ADK: variants seen among roughly 807,000 people sequenced by gnomAD.
ADK encodes N6,N6-dimethyladenosine kinase.
Under a neutral mutation model 44.7 loss-of-function variants are expected in ADK, and 24 were observed. The ratio of observed to expected loss-of-function variants is 0.54; its 90% confidence interval spans 0.39 to 0.76. The LOEUF (loss-of-function observed/expected upper bound fraction) is 0.76. Ranked by LOEUF, ADK falls within the 30% of genes least tolerant of loss-of-function variation. ADK has a pLI of 0.00. For missense variants in ADK, 321 were observed against 425.1 expected (o/e 0.76, Z 2.15); for synonymous variants, 128 against 142.6 (o/e 0.90, Z 0.73).
chr10:74,250,020 C>T (rs1310779905), intron 3 of ADK, among the ~76,000 whole-genome samples: 1 of 152,066 alleles, frequency 6.6e-6, no homozygotes, highest in Non-Finnish European at 1.5e-5. Flanking sequence ...ACAAGAGCTT[C>T]TGAAGACTTA....
At chr10:74,674,558 A>T (rs1296582284) in intron 10 of ADK, among the ~76,000 whole-genome samples, 1 of 152,044 alleles carries the variant, frequency 6.6e-6, no homozygotes, top group African/African-American at 2.4e-5. Flanking sequence ...GTATGGAAAA[A>T]TTAACAAAAT....
At chr10:74,174,734 G>A (rs886666176) in intron 1 of ADK, 1 of 152,174 alleles carries the variant, frequency 6.6e-6, no homozygotes, top group African/African-American at 2.4e-5. Context: ...GTGGACCTTC[G>A]GTCAAAGTCT....
chr10:74,608,654 G>C (rs1316436789), intron 9 of ADK, among the ~76,000 whole-genome samples: 2 of 152,122 alleles, frequency 1.3e-5, no homozygotes, highest in Non-Finnish European at 2.9e-5. Flanking sequence ...TCTCCTGTAT[G>C]AGGGGTCTGT....
At chr10:74,635,134 G>A (rs1217556438) in intron 9 of ADK, among the ~76,000 whole-genome samples, 1 of 152,144 alleles carries the variant, frequency 6.6e-6, no homozygotes, top group Non-Finnish European at 1.5e-5. Context: ...TACAGATTTG[G>A]GAAGCCCTGT....
At chr10:74,194,622 T>C (rs1843058184) in intron 1 of ADK, among the ~76,000 whole-genome samples, 1 of 152,216 alleles carries the variant, frequency 6.6e-6, no homozygotes, top group Non-Finnish European at 1.5e-5. Flanking sequence ...CAGGATTTAT[T>C]GTGGCTAAAA....
chr10:74,394,059 C>G, intron 4 of ADK, 82 bp from the exon 5 acceptor site: 3 of 1,357,722 alleles, frequency 2.2e-6, no homozygotes, highest in Non-Finnish European at 3.2e-6. Flanking sequence ...GCATTCTTGT[C>G]ACATCACTAT....
chr10:74,447,336 A>G (rs528139867), intron 6 of ADK, among the ~76,000 whole-genome samples: 1 of 152,220 alleles, frequency 6.6e-6, no homozygotes, highest in South Asian at 2.1e-4. Context: ...TGAGTGGTAA[A>G]TAAGGGTTGT....
chr10:74,340,638 G>C (rs961755488), intron 4 of ADK, among the ~76,000 whole-genome samples: 2 of 152,072 alleles, frequency 1.3e-5, no homozygotes, highest in Non-Finnish European at 2.9e-5. Flanking sequence ...CATCAGAATA[G>C]AGTCAAGAAA....
At chr10:74,528,873 A>G (rs1158948021) in intron 7 of ADK, among the ~76,000 whole-genome samples, 1 of 152,210 alleles carries the variant, frequency 6.6e-6, no homozygotes, top group Non-Finnish European at 1.5e-5. Flanking sequence ...ATTAACAAGT[A>G]TTGGTGAAGA....
At chr10:74,658,198 A>G (rs897864835) in intron 9 of ADK, among the ~76,000 whole-genome samples, 3 of 152,208 alleles carry the variant, frequency 2.0e-5, no homozygotes, top group African/African-American at 7.2e-5. Context: ...TATTCATCAT[A>G]TATTTATTGA....
intron 4 of ADK, among the ~76,000 whole-genome samples, chr10:74,321,066 A>G (rs1014293472): frequency 3.3e-5 from 5 of 152,154 alleles, no homozygotes; most frequent in Non-Finnish European, 7.4e-5. Flanking sequence ...AGGTATTTCT[A>G]TTTAAGTTGT....
At chr10:74,323,665 G>A (rs1226260872) in intron 4 of ADK, among the ~76,000 whole-genome samples, 1 of 151,600 alleles carries the variant, frequency 6.6e-6, no homozygotes, top group Admixed American at 6.6e-5. Flanking sequence ...CCACCTCCCG[G>A]GGTCACACCA....
At chr10:74,705,187 C>T (rs1856556126) in intron 10 of ADK, among the ~76,000 whole-genome samples, 1 of 152,190 alleles carries the variant, frequency 6.6e-6, no homozygotes, top group South Asian at 2.1e-4. Flanking sequence ...TAACCTTCAT[C>T]CCCCTCAGGC....
chr10:74,362,867 A>G (rs1358060249), intron 4 of ADK, among the ~76,000 whole-genome samples: 1 of 152,234 alleles, frequency 6.6e-6, no homozygotes, highest in Non-Finnish European at 1.5e-5. Context: ...GGAAGACCCA[A>G]GGGAGGTAGT....
rs367982701 is a variant in ADK, at chr10:74,598,440, C to CTTTTTTTTTTTTTTTTTTTTTTT, written c.763-1939_763-1938insTTTTTTTTTTTTTTTTTTTTTTT. Among the ~76,000 whole-genome samples the CTTTTTTTTTTTTTTTTTTTTTTT allele has an allele frequency of 4.4e-5, 5 of 114,072 alleles. 2 individuals carry two copies. The highest frequency in any genetic ancestry group is 2.6e-4 in the Admixed American group (3 of 11,496). 74.8% of individuals were successfully genotyped at this position (114,072 alleles called of 152,430 possible). A position where few individuals can be genotyped will look rare whatever the true frequency, so the allele number is the denominator to read the frequency against. On this transcript the variant is annotated intron_variant, in intron 8 of 10. Transcript: ENST00000539909. ...TAGAAAGCAACCATGGAATCTTATT[C>CTTTTTTTTTTTTTTTTTTTTTTT]CTTTTTTTTTTTTTTTTTTTTTTTT...
chr10:74,482,965 G>A (rs181316111), intron 6 of ADK, among the ~76,000 whole-genome samples: 38 of 152,210 alleles, frequency 2.5e-4, no homozygotes, highest in Non-Finnish European at 3.8e-4. Context: ...GCAAGCTGTC[G>A]GTGGACCTAC....
chr10:74,643,161 A>G (rs575240175), intron 9 of ADK, among the ~76,000 whole-genome samples: 1 of 152,222 alleles, frequency 6.6e-6, no homozygotes, highest in Admixed American at 6.5e-5. Flanking sequence ...AGGTCTTAAA[A>G]TTGAAAGGGA....
At chr10:74,354,871 A>AT (rs1315024977) in intron 4 of ADK, among the ~76,000 whole-genome samples, 1 of 152,174 alleles carries the variant, frequency 6.6e-6, no homozygotes, top group East Asian at 1.9e-4. Context: ...TGAATATTTT[A>AT]TTTTTTCTCA....
chr10:74,260,438 T>G (rs1270322747), intron 3 of ADK, among the ~76,000 whole-genome samples: 1 of 152,192 alleles, frequency 6.6e-6, no homozygotes, highest in Non-Finnish European at 1.5e-5. Flanking sequence ...CCCAGCTAAT[T>G]TTTTAATTTT....
Sources: gnomAD v4.1 joint callset for allele counts (sites outside exome capture counted in the v4.1 genomes callset) on GRCh38, gnomAD v4.1.1 for gene constraint, MANE v1.5 for transcripts, NCBI Gene and HGNC (gene_info 2026-07-23, HGNC 2026-07-21) for gene names.